FAM118B: variants seen among roughly 807,000 people sequenced by gnomAD.
FAM118B encodes protein FAM118B.
A neutral mutation model predicts 38.5 loss-of-function variants in FAM118B; 24 were observed. The ratio of observed to expected loss-of-function variants is 0.62; its 90% CI spans 0.45 to 0.88. The LOEUF (loss-of-function observed/expected upper bound fraction) is 0.88, where lower values mean the gene tolerates loss of function less well. Ranked by LOEUF, FAM118B falls within the 40% of genes least tolerant of loss-of-function variation. The pLI, the probability that FAM118B is intolerant of heterozygous loss-of-function variation, is 0.00. For synonymous variants in FAM118B, 138 were observed against 156.3 expected (o/e 0.88, Z 0.87); for missense variants, 334 against 420.0 (o/e 0.80, Z 1.79).
chr11:126,238,884 T>TAA (rs1213563802), intron 3 of FAM118B, among the ~76,000 whole-genome samples: 1 of 140,140 alleles, frequency 7.1e-6, no homozygotes. Context: ...ATATACCCGC[T>TAA]AAAAAAAAAA....
rs1392844428 is a variant in FAM118B at position 126,250,096 on chromosome 11, T to C, written c.340-410T>C. On this transcript the variant is annotated intron_variant, in intron 4 of 8. Transcript: ENST00000533050. This position sits in a 1 kb window ranked among gnomAD's most constrained non-coding sequence, Gnocchi z 5.1. ...AGATAATATTTTATCCCCGGGATTT[T>C]TTTTTTTTTTTTTGAGATGGAGTCT... Among the ~76,000 whole-genome samples, 1 of 151,124 alleles carries C rather than the reference T, an allele frequency of 6.6e-6. No individual in the cohort carries two copies. The highest frequency in any genetic ancestry group is 1.5e-5 in the Non-Finnish European group (1 of 67,696).
intron 1 of FAM118B, among the ~76,000 whole-genome samples, chr11:126,223,100 G>A (rs1024700617): frequency 6.6e-6 from 1 of 151,670 alleles, no homozygotes; most frequent in Non-Finnish European, 1.5e-5. Flanking sequence ...GGTGGGGCGG[G>A]GGAGGGGGGG....
At chr11:126,242,015 A>G (rs1591517647) in intron 4 of FAM118B, among the ~76,000 whole-genome samples, 1 of 109,592 alleles carries the variant, frequency 9.1e-6, no homozygotes, top group Non-Finnish European at 1.8e-5. Flanking sequence ...ACAGAGGAAG[A>G]CTCCGTCTCA....
chr11:126,212,326 C>T (rs1949893299), intron 1 of FAM118B, among the ~76,000 whole-genome samples: 1 of 152,182 alleles, frequency 6.6e-6, no homozygotes, highest in African/African-American at 2.4e-5. Flanking sequence ...GGGGTCTCCT[C>T]CCTACCTTCC....
chr11:126,220,356 T>C (rs1357437140), intron 1 of FAM118B, among the ~76,000 whole-genome samples: 1 of 152,020 alleles, frequency 6.6e-6, no homozygotes, highest in African/African-American at 2.4e-5. Context: ...GCTTTCTGTT[T>C]TCTCTCTCTC....
chr11:126,254,810 G>A (rs1440418231), intron 6 of FAM118B, among the ~76,000 whole-genome samples: 1 of 152,188 alleles, frequency 6.6e-6, no homozygotes, highest in Non-Finnish European at 1.5e-5. Context: ...TTGGGTGACA[G>A]AGCAAGGCCC....
intron 3 of FAM118B, 119 bp from the exon 4 acceptor site, chr11:126,240,673 G>C (rs542794150): frequency 1.9e-6 from 2 of 1,061,826 alleles, no homozygotes; most frequent in South Asian, 2.0e-5. Flanking sequence ...AAAAACTGCT[G>C]TTCATCTTCT....
chr11:126,242,432 GA>G (rs958138179), intron 4 of FAM118B, among the ~76,000 whole-genome samples: 66 of 143,916 alleles, frequency 4.6e-4, no homozygotes, highest in Admixed American at 2.5e-3. Context: ...TCTACCAAAA[GA>G]AAAAAAAAAG....
intron 1 of FAM118B, among the ~76,000 whole-genome samples, chr11:126,216,390 A>T (rs961200567): frequency 2.0e-5 from 3 of 152,058 alleles, no homozygotes; most frequent in Non-Finnish European, 2.9e-5. Context: ...AAAAAACCCA[A>T]CAAAACAAAA....
chr11:126,229,895 G>A lies in FAM118B; in HGVS notation c.-8+602G>A, dbSNP rs923284975. ...TCTTTCTCCTTACCTTGTTCAGATG[G>A]GGTCATTGTTTGCTAGTAAAATGGC... On this transcript the variant is annotated intron_variant, in intron 2 of 8. Transcript: ENST00000533050. Among the ~76,000 whole-genome samples the A allele has an allele frequency of 3.9e-5, 6 of 152,134 alleles. No individual in the cohort carries two copies. The East Asian group carries it at 1.2e-3, about 29-fold the overall frequency.
At position 126,262,043 on chromosome 11, in the gene FAM118B, C is replaced by G. The variant is rs113044475; in HGVS notation, c.1043-77C>G. On this transcript the variant is annotated intron_variant, in intron 8 of 8. Transcript: ENST00000533050. ...TTGCCTTCTGAAGGGTTAGGATTGA[C>G]TTAAGTATCTGCAGCTTCCAATGTA... 4.5e-4 allele frequency: 653 copies of G among 1,437,726 alleles called. 2 individuals are homozygous for G. In the African/African-American group the frequency reaches 8.2e-3, roughly 18 times the overall value. 89.1% of individuals were successfully genotyped at this position (1,437,726 alleles called of 1,614,324 possible).
chr11:126,225,743 G>A (rs1950131783), intron 1 of FAM118B, among the ~76,000 whole-genome samples: 1 of 152,182 alleles, frequency 6.6e-6, no homozygotes, highest in African/African-American at 2.4e-5. Flanking sequence ...ACTTTGGGAG[G>A]CCAAGGCAGG....
At chr11:126,220,317 T>C (rs921406669) in intron 1 of FAM118B, among the ~76,000 whole-genome samples, 3 of 152,220 alleles carry the variant, frequency 2.0e-5, no homozygotes, top group Non-Finnish European at 4.4e-5. Flanking sequence ...CACTTCCTTA[T>C]GAAAGTATGT....
intron 1 of FAM118B, among the ~76,000 whole-genome samples, chr11:126,222,369 G>C (rs73017338): frequency 0.051 from 7,773 of 152,282 alleles, 351 homozygotes; most frequent in East Asian, 0.18. Flanking sequence ...GTAGTAACCT[G>C]TGATGAATTC....
chr11:126,241,562 A>AT (rs984762534), intron 4 of FAM118B, among the ~76,000 whole-genome samples: 2 of 151,250 alleles, frequency 1.3e-5, no homozygotes, highest in African/African-American at 4.9e-5. Context: ...TTATTTATTT[A>AT]TTTTTTGATG....
chr11:126,222,514 T>C (rs1007539047), intron 1 of FAM118B, among the ~76,000 whole-genome samples: 6 of 152,230 alleles, frequency 3.9e-5, no homozygotes, highest in African/African-American at 7.2e-5. Flanking sequence ...CTATAGACTT[T>C]CAACAAAAGT....
At chr11:126,232,133 T>C (rs557714303) in intron 2 of FAM118B, among the ~76,000 whole-genome samples, 1 of 152,324 alleles carries the variant, frequency 6.6e-6, no homozygotes, top group East Asian at 1.9e-4. Context: ...GAAAGAAGTG[T>C]TTTGGATTTC....
rs113116099 is a variant in FAM118B, at chr11:126,243,899, G to A, written c.339+2855G>A. Among the ~76,000 whole-genome samples, 956 of 129,180 alleles carry A rather than the reference G, an allele frequency of 7.4e-3. 9 individuals carry two copies. Among genetic ancestry groups the A allele is most frequent in the African/African-American group, 0.024 (838 of 34,482 alleles). 84.7% of individuals were successfully genotyped at this position (129,180 alleles called of 152,430 possible). The stretch of plus-strand genomic sequence containing the variant: ...AGCCTGGACGACAGAGCAAGACTCC[G>A]TCTCAAAAAAAAAAAAAAAAGTCTG... On this transcript the variant is annotated intron_variant, in intron 4 of 8. Transcript: ENST00000533050.
At chr11:126,257,275 T>C (rs1950591793) in intron 7 of FAM118B, among the ~76,000 whole-genome samples, 1 of 152,216 alleles carries the variant, frequency 6.6e-6, no homozygotes, top group Non-Finnish European at 1.5e-5. Flanking sequence ...AATTTTCAAA[T>C]CTTTGACCTA....
Sources: gnomAD v4.1 joint callset for allele counts (sites outside exome capture counted in the v4.1 genomes callset) on GRCh38, gnomAD v4.1.1 for gene constraint, Gnocchi (gnomAD v3.1) non-coding constraint, MANE v1.5 for transcripts, NCBI Gene and HGNC (gene_info 2026-07-23, HGNC 2026-07-21) for gene names.